Variants in SPEN observed in about 807,000 individuals in gnomAD.
SPEN encodes the protein spen family transcriptional repressor.
SPEN carries 18 observed loss-of-function variants against 269.9 expected under a neutral mutation model. The observed-to-expected ratio is 0.07, with a 90% CI of 0.05 to 0.10. The LOEUF is 0.10. SPEN is among the 10% of genes least tolerant of loss of function. The pLI is 1.00. For synonymous variants in SPEN, 1,726 were observed against 1,765.7 expected (o/e 0.98, Z 0.56); for missense variants, 3,822 against 4,631.2 (o/e 0.83, Z 5.07).
Position 15,933,963 on chromosome 1 carries a change from C to T in SPEN, c.7723C>T (p.Pro2575Ser). The T allele has an allele frequency of 6.2e-7, 1 of 1,613,956 alleles. No homozygotes were observed. Among genetic ancestry groups the T allele is most frequent in the South Asian group, 1.1e-5 (1 of 91,062 alleles). Residue 2575 changes from proline to serine, a missense_variant, in exon 11 of 15, where the codon CCA (proline) becomes TCA (serine). By Grantham distance (74) the Pro-to-Ser change is moderately conservative. Coordinates refer to ENST00000375759, the MANE Select transcript of SPEN (RefSeq NM_015001.3). The surrounding 1 kb of genome is among the most constrained non-coding windows in gnomAD (Gnocchi z 5.7). ...TTGCCTACATGAGGCCCCGCCCCCG[C>T]CAGTTGACTCTAAAAAGCCTTTAGA... ...APCLHEAPPP[P>S]VDSKKPLEEK...
rs183490080 is a variant in SPEN at position 15,937,343 on chromosome 1, C to T, written c.10207C>T (p.Arg3403Cys). The T allele has an allele frequency of 2.0e-5, 32 of 1,614,004 alleles. 1 individual carries two copies. Among genetic ancestry groups the T allele is most frequent in the Middle Eastern group, 1.6e-4 (1 of 6,062 alleles). The change falls in exon 12 of 15, where the codon CGC becomes TGC. Residue 3403 changes from arginine to cysteine, a missense_variant. Around this residue, in one of 16 missense-constraint regions of SPEN, gnomAD observed 359 missense variants for 377.3 expected, o/e 0.95. Coordinates refer to ENST00000375759, the MANE Select transcript of SPEN (RefSeq NM_015001.3). This position sits in a 1 kb window ranked among gnomAD's most constrained non-coding sequence, Gnocchi z 5.7. ...KGTQTGVEQP[R>C]LPAGPANRPP... ...GACCCAGACGGGAGTAGAGCAGCCTCGCCTCCCAGCTGGACCTGCAAACAG... is the reference window on the plus strand; with the variant it reads ...GACCCAGACGGGAGTAGAGCAGCCTTGCCTCCCAGCTGGACCTGCAAACAG...
In SPEN at chr1:15,910,508, C is replaced by A. The variant is rs117547976; in HGVS notation, c.1043-593C>A. ...GTAAAAGTTTTATTATGAAACCTAC[C>A]CCAAAGTAGAAGGAATAGCAAAATG... On this transcript the variant is annotated intron_variant, in intron 4 of 14. Coordinates refer to ENST00000375759, the MANE Select transcript of SPEN (RefSeq NM_015001.3). Among the ~76,000 whole-genome samples, 30 of 152,074 alleles carry A rather than the reference C, an allele frequency of 2.0e-4. No homozygotes were observed. In the East Asian group the frequency reaches 5.4e-3, roughly 27 times the overall value.
At chr1:15,916,700 G>T (rs191094314) in intron 6 of SPEN, among the ~76,000 whole-genome samples, 1 of 152,002 alleles carries the variant, frequency 6.6e-6, no homozygotes, top group Non-Finnish European at 1.5e-5. Flanking sequence ...TTTTGTAGAG[G>T]TGGTGTTTTG....
chr1:15,892,880 C>A (rs1400708742), intron 3 of SPEN, among the ~76,000 whole-genome samples: 1 of 152,090 alleles, frequency 6.6e-6, no homozygotes, highest in Non-Finnish European at 1.5e-5. Context: ...AGGCAGATCA[C>A]CTGAGGTCAG....
intron 1 of SPEN, among the ~76,000 whole-genome samples, chr1:15,864,140 T>TA (rs1016938211): frequency 4.1e-5 from 6 of 146,116 alleles, no homozygotes; most frequent in Non-Finnish European, 9.0e-5. Context: ...GTCAACTCCA[T>TA]AAAGACAGCA....
chr1:15,878,878 C>T (rs2070658957), intron 3 of SPEN, among the ~76,000 whole-genome samples: 1 of 150,906 alleles, frequency 6.6e-6, no homozygotes, highest in Admixed American at 6.6e-5. Context: ...GGCATGGTGG[C>T]ACATGCCTGT....
At chr1:15,853,935 G>A (rs143228049) in intron 1 of SPEN, among the ~76,000 whole-genome samples, 3,739 of 152,228 alleles carry the variant, frequency 0.025, 76 homozygotes, top group Non-Finnish European at 0.036. Context: ...AAAGTGCTGG[G>A]ATTACAAGCA....
At position 15,939,810 on chromosome 1, in the gene SPEN, C is replaced by T. The variant is rs2071321177; in HGVS notation, c.*383C>T. On this transcript the variant is annotated 3_prime_UTR_variant, in exon 15 of 15. Transcript: ENST00000375759. The surrounding 1 kb of genome is among the most constrained non-coding windows in gnomAD (Gnocchi z 4.1). ...TAAATTAGTGACTTGGACTTTTGCC[C>T]AGTGAAGACAGGCTGTGACACTCTG... 1 of 237,084 alleles carries T rather than the reference C, an allele frequency of 4.2e-6. No homozygotes were observed. The allele number at this position is 237,084 out of a possible 1,614,324, so 14.7% of individuals were successfully genotyped here. A position where few individuals can be genotyped will look rare whatever the true frequency, so the allele number is the denominator to read the frequency against.
chr1:15,928,485 A>C lies in SPEN; in HGVS notation c.2245A>C (p.Ser749Arg), dbSNP rs893896293. The C allele has an allele frequency of 1.2e-6, 2 of 1,614,076 alleles. No individual in the cohort carries two copies. Among genetic ancestry groups the C allele is most frequent in the Non-Finnish European group, 1.7e-6 (2 of 1,180,024 alleles). Residue 749 changes from serine to arginine, a missense_variant, in exon 11 of 15, where the codon AGT becomes CGT. By Grantham distance (110) the Ser-to-Arg change is moderately radical (BLOSUM62 -1). This residue lies in a region of SPEN where 572 missense variants were observed against 582.6 expected (regional missense o/e 0.98). Coordinates refer to ENST00000375759, the MANE Select transcript of SPEN (RefSeq NM_015001.3). This position sits in a 1 kb window ranked among gnomAD's most constrained non-coding sequence, Gnocchi z 5.7. ...ASPSQAERLP[S>R]DSERRLYSRS... ...TCCCTCTCAGGCAGAGAGGTTGCCG[A>C]GTGATTCTGAGAGGAGGCTTTACAG...
intron 3 of SPEN, among the ~76,000 whole-genome samples, chr1:15,877,400 C>G (rs1407221113): frequency 2.0e-5 from 3 of 152,116 alleles, no homozygotes; most frequent in Admixed American, 2.0e-4. Flanking sequence ...TCCCAAGTAG[C>G]TGGGATTACA....
At position 15,931,558 on chromosome 1, in the gene SPEN, A is replaced by C. The variant is rs1279415674; in HGVS notation, c.5318A>C (p.Lys1773Thr). The C allele has an allele frequency of 5.6e-6, 9 of 1,614,214 alleles. No homozygotes were observed. Among genetic ancestry groups the C allele is most frequent in the South Asian group, 1.1e-5 (1 of 91,088 alleles). The change falls in exon 11 of 15, where the codon AAG becomes ACG. Residue 1773 changes from lysine to threonine, a missense_variant. Around this residue, in one of 16 missense-constraint regions of SPEN, gnomAD observed 533 missense variants for 618.8 expected, o/e 0.86. Transcript: ENST00000375759. This position sits in a 1 kb window ranked among gnomAD's most constrained non-coding sequence, Gnocchi z 4.8. ...AQKSEEANEPKAEKPDATADA... is the reference protein window; with the variant it reads ...AQKSEEANEPTAEKPDATADA... ...AAGTCTGAGGAAGCCAATGAGCCAA[A>C]GGCCGAAAAGCCAGACGCCACTGCA...
intron 1 of SPEN, among the ~76,000 whole-genome samples, chr1:15,850,602 A>G (rs2070326251): frequency 6.6e-6 from 1 of 152,178 alleles, no homozygotes; most frequent in Non-Finnish European, 1.5e-5. Flanking sequence ...TTCTGCATGT[A>G]CAAGAAATGT....
intron 1 of SPEN, among the ~76,000 whole-genome samples, chr1:15,851,219 C>A (rs1200427273): frequency 1.3e-5 from 2 of 152,032 alleles, no homozygotes; most frequent in Non-Finnish European, 2.9e-5. Flanking sequence ...TTTTTCCTCC[C>A]CAGTGCCAAA....
intron 1 of SPEN, among the ~76,000 whole-genome samples, chr1:15,866,860 A>G (rs182982010): frequency 6.6e-6 from 1 of 152,168 alleles, no homozygotes; most frequent in Non-Finnish European, 1.5e-5. Context: ...TTATAGTAGG[A>G]TGTGGCATAC....
rs755281306 is a variant in SPEN, at chr1:15,932,953, C to T, written c.6713C>T (p.Pro2238Leu). 5 of 1,614,220 alleles carry T rather than the reference C, an allele frequency of 3.1e-6. No individual in the cohort carries two copies. Among genetic ancestry groups the T allele is most frequent in the Non-Finnish European group, 4.2e-6 (5 of 1,180,048 alleles). The change falls in exon 11 of 15, where the codon CCT becomes CTT. Residue 2238 changes from proline (P) to leucine (L), a missense_variant. Transcript: ENST00000375759. This position sits in a 1 kb window ranked among gnomAD's most constrained non-coding sequence, Gnocchi z 4.2. The stretch of plus-strand genomic sequence containing the variant: ...CCAGAAAACTTCCCAGCACCTCCAC[C>T]TTATCCTGGAGAATCCCAGACAGAT... ...GEPENFPAPP[P>L]YPGESQTDLQ... is the part of the protein sequence containing the mutation.
chr1:15,860,026 C>T (rs1415449968), intron 1 of SPEN, among the ~76,000 whole-genome samples: 1 of 148,182 alleles, frequency 6.7e-6, no homozygotes, highest in African/African-American at 2.5e-5. Flanking sequence ...ATTCGCCTGC[C>T]TCAGCCTCCT....
chr1:15,940,439 T>TA lies in SPEN; in HGVS notation c.*1018dup, dbSNP rs1187428913. 8 of 229,148 alleles carry TA rather than the reference T, an allele frequency of 3.5e-5. No individual in the cohort carries two copies. The Admixed American group carries it at 4.5e-4, about 13-fold the overall frequency. 14.2% of individuals were successfully genotyped at this position (229,148 alleles called of 1,614,324 possible). On this transcript the variant is annotated 3_prime_UTR_variant, in exon 15 of 15. Coordinates refer to ENST00000375759, the MANE Select transcript of SPEN (RefSeq NM_015001.3). ...GTGTCCATTGGATTACAAACTTTATTAAAAAATATAAAACACACCAAGTGT... is the reference window on the plus strand; with the variant it reads ...GTGTCCATTGGATTACAAACTTTATTAAAAAAATATAAAACACACCAAGTGT...
chr1:15,901,045 G>T (rs905644222), intron 3 of SPEN, among the ~76,000 whole-genome samples: 5 of 151,608 alleles, frequency 3.3e-5, no homozygotes, highest in Admixed American at 3.3e-4. Flanking sequence ...TTATTTTTTG[G>T]AGTAAAAAAA....
At position 15,933,748 on chromosome 1, in the gene SPEN, C is replaced by T. The variant is rs1224935005; in HGVS notation, c.7508C>T (p.Thr2503Ile). 6.2e-7 allele frequency: 1 copy of T among 1,614,136 alleles called. No homozygotes were observed. The highest frequency in any genetic ancestry group is 1.6e-4 in the Middle Eastern group (1 of 6,062). ...CCTACTAAGGTGACAGAGTGGATCA[C>T]AAGGCAGGAGGAGCCACGGGCTCAG... The part of the protein sequence containing the change: ...SPPTKVTEWI[T>I]RQEEPRAQST... The change falls in exon 11 of 15, where the codon ACA becomes ATA. Residue 2503 changes from threonine to isoleucine, a missense_variant. Physicochemically the swap from Thr to Ile is moderately conservative, Grantham distance 89. Coordinates refer to ENST00000375759, the MANE Select transcript of SPEN (RefSeq NM_015001.3). This position sits in a 1 kb window ranked among gnomAD's most constrained non-coding sequence, Gnocchi z 5.7.
Sources: allele counts gnomAD v4.1 joint callset (sites outside exome capture counted in the v4.1 genomes callset), GRCh38; gene constraint gnomAD v4.1.1; regional missense constraint gnomAD v4.1.1; non-coding constraint Gnocchi (gnomAD v3.1); transcripts MANE v1.5; gene names NCBI Gene and HGNC (gene_info 2026-07-23, HGNC 2026-07-21).